LOC101059915: variants seen among roughly 807,000 people sequenced by gnomAD.
chrX:71,671,258 G>A, the LOC101059915 span: 1 of 1,163,871 alleles, frequency 8.6e-7, no homozygotes, highest in Non-Finnish European at 1.1e-6. Context: ...AGTGAGTGTT[G>A]CACACGTCAT....
the LOC101059915 span, among the ~76,000 whole-genome samples, chrX:71,669,893 T>A: frequency 2.5e-4 from 7 of 28,528 alleles, no homozygotes; most frequent in East Asian, 7.5e-3. Flanking sequence ...CCTCTCTGAG[T>A]GGGGTTTGTG....
At chrX:71,668,479 A>C in the LOC101059915 span, 5 of 1,154,331 alleles carry the variant, frequency 4.3e-6, no homozygotes, top group Non-Finnish European at 5.8e-6. Flanking sequence ...GATCATTAGC[A>C]CCAAAGAAGG....
the LOC101059915 span, chrX:71,670,733 C>T: frequency 9.1e-7 from 1 of 1,093,852 alleles, no homozygotes; most frequent in Non-Finnish European, 1.2e-6. Flanking sequence ...GGGTGGACTG[C>T]AGGTATAGGT....
chrX:71,668,063 G>A, the LOC101059915 span: 3 of 1,157,324 alleles, frequency 2.6e-6, no homozygotes, highest in Admixed American at 2.7e-5. Flanking sequence ...CAGGAAGGCC[G>A]GCCTGGCACC....
At chrX:71,668,100 G>T in the LOC101059915 span, 37 of 1,143,126 alleles carry the variant, frequency 3.2e-5, no homozygotes, top group East Asian at 4.3e-4. Flanking sequence ...CGGGTGGTGG[G>T]GACTACTCTT....
chrX:71,667,647 C>G, the LOC101059915 span: 2 of 475,971 alleles, frequency 4.2e-6, no homozygotes, highest in African/African-American at 2.5e-5. Flanking sequence ...TTCCTGTGGC[C>G]CCAGAGCACC....
the LOC101059915 span, chrX:71,669,669 G>A: frequency 5.2e-6 from 5 of 970,793 alleles, no homozygotes; most frequent in East Asian, 8.2e-5. Flanking sequence ...CACAGCCCTC[G>A]GCCTTTACCT....
chrX:71,670,700 C>T, the LOC101059915 span: 10 of 1,108,773 alleles, frequency 9.0e-6, no homozygotes, highest in East Asian at 3.4e-5. Context: ...ACAGCGGTGT[C>T]GTTCTGCAGG....
At chrX:71,667,930 T>C in the LOC101059915 span, 1 of 1,138,676 alleles carries the variant, frequency 8.8e-7, no homozygotes, top group Non-Finnish European at 1.2e-6. Context: ...AGACCTCAAT[T>C]TTGGGGGGCA....
the LOC101059915 span, chrX:71,670,810 G>A: frequency 2.7e-6 from 2 of 754,157 alleles, no homozygotes; most frequent in Non-Finnish European, 3.1e-6. Flanking sequence ...AGCCTTCTGT[G>A]CCTTTTCAGC....
the LOC101059915 span, chrX:71,669,484 C>T: frequency 1.1e-6 from 1 of 880,511 alleles, no homozygotes; most frequent in African/African-American, 2.1e-5. Context: ...GGGTCTCCAC[C>T]TTAACACAAC....
At chrX:71,668,527 G>T in the LOC101059915 span, 1 of 1,139,809 alleles carries the variant, frequency 8.8e-7, no homozygotes, top group Non-Finnish European at 1.2e-6. Flanking sequence ...GAAGCCAGGA[G>T]ACACTTGCGG....
the LOC101059915 span, chrX:71,668,319 A>C: frequency 7.1e-6 from 8 of 1,134,154 alleles, no homozygotes; most frequent in Admixed American, 2.3e-4. Context: ...CTGGGCCAGG[A>C]CCGGCCTGGG....
At chrX:71,669,085 C>T in the LOC101059915 span, 1 of 1,115,497 alleles carries the variant, frequency 9.0e-7, no homozygotes, top group Non-Finnish European at 1.2e-6. Flanking sequence ...TCCTTGCTCT[C>T]CTCTTCCTCT....
At chrX:71,668,836 G>C in the LOC101059915 span, 16 of 1,084,619 alleles carry the variant, frequency 1.5e-5, no homozygotes, top group African/African-American at 1.3e-4. Context: ...TCCTGCCTGG[G>C]GGCAGAGACT....
chrX:71,669,450 G>A, the LOC101059915 span: 1 of 679,450 alleles, frequency 1.5e-6, no homozygotes, highest in East Asian at 4.4e-5. Context: ...GACTGAGGGA[G>A]AAAGTGTTAA....
the LOC101059915 span, chrX:71,669,103 C>T: frequency 2.8e-6 from 3 of 1,090,226 alleles, no homozygotes; most frequent in East Asian, 1.0e-4. Context: ...TCTTTCTCCT[C>T]TGTCTCCCCC....
the LOC101059915 span, chrX:71,668,712 C>T: frequency 3.7e-6 from 4 of 1,076,065 alleles, no homozygotes; most frequent in Admixed American, 8.1e-5. Context: ...TCAGGCCCAG[C>T]TGCTCAGGAG....
At chrX:71,669,476 G>C in the LOC101059915 span, 1 of 819,636 alleles carries the variant, frequency 1.2e-6, no homozygotes, top group Non-Finnish European at 1.6e-6. Flanking sequence ...TTAGTCTGGG[G>C]TCTCCACCTT....
Sources: allele counts gnomAD v4.1 joint callset (sites outside exome capture counted in the v4.1 genomes callset), GRCh38; gene constraint gnomAD v4.1.1; transcripts MANE v1.5.